Variants in RYR3 observed in about 807,000 individuals in gnomAD.
RYR3 encodes ryanodine receptor 3.
RYR3 carries 207 observed loss-of-function variants against 584.3 expected under a neutral mutation model. That is an observed-to-expected ratio of 0.35 (90% CI 0.32 to 0.40). The LOEUF (loss-of-function observed/expected upper bound fraction) is 0.40. Among genes scored for constraint, RYR3 ranks in the 10% least tolerant of loss-of-function variants. RYR3 has a pLI of 1.00. For synonymous variants in RYR3, 2,416 were observed against 2,248.5 expected (o/e 1.07, Z -2.11); for missense variants, 5,616 against 6,089.2 (o/e 0.92, Z 2.59).
At chr15:33,570,712 C>T (rs1267459422) in intron 12 of RYR3, among the ~76,000 whole-genome samples, 2 of 152,116 alleles carry the variant, frequency 1.3e-5, no homozygotes, top group East Asian at 1.9e-4. Context: ...AATCTTCAAA[C>T]ATAAAATGTC....
chr15:33,544,877 C>T (rs1280432536), intron 8 of RYR3, among the ~76,000 whole-genome samples: 8 of 151,998 alleles, frequency 5.3e-5, no homozygotes, highest in Non-Finnish European at 8.8e-5. Flanking sequence ...ATAGTTATCT[C>T]GATTAGGAAG....
At chr15:33,371,104 G>A (rs117867467) in intron 1 of RYR3, among the ~76,000 whole-genome samples, 37 of 152,278 alleles carry the variant, frequency 2.4e-4, no homozygotes, top group Non-Finnish European at 4.7e-4. Context: ...TAGCAAAAGC[G>A]TTCACACACA....
chr15:33,418,641 G>A (rs988560296), intron 1 of RYR3, among the ~76,000 whole-genome samples: 1 of 152,208 alleles, frequency 6.6e-6, no homozygotes, highest in African/African-American at 2.4e-5. Flanking sequence ...AATAAGCAGT[G>A]ACATCAAATT....
rs766259371 is a variant in RYR3 at position 33,810,694 on chromosome 15, G to A, written c.10197+45G>A. On this transcript the variant is annotated intron_variant, in intron 71 of 103. Coordinates refer to ENST00000634891, the MANE Select transcript of RYR3 (RefSeq NM_001036.6). ...GGGCTGAGTGTGTGATCCACATGGT[G>A]CAGTGATAAGCATTCAGCCCCTGAA... The A allele has an allele frequency of 3.7e-6, 6 of 1,610,084 alleles. No homozygotes were observed. The Admixed American group carries it at 1.0e-4, about 27-fold the overall frequency.
At chr15:33,528,063 G>A (rs1391771998) in intron 3 of RYR3, among the ~76,000 whole-genome samples, 3 of 152,126 alleles carry the variant, frequency 2.0e-5, no homozygotes, top group East Asian at 1.9e-4. Context: ...TCATGGAAAC[G>A]GAATGAGACT....
intron 76 of RYR3, among the ~76,000 whole-genome samples, chr15:33,819,087 C>T (rs2076972525): frequency 6.6e-6 from 1 of 152,148 alleles, no homozygotes; most frequent in Non-Finnish European, 1.5e-5. Flanking sequence ...CACACCACTG[C>T]ACTCCAGCCT....
At chr15:33,847,440 C>T (rs2078800500) in intron 93 of RYR3, 1 of 152,182 alleles carries the variant, frequency 6.6e-6, no homozygotes, top group Non-Finnish European at 1.5e-5. Flanking sequence ...AGATGAGACG[C>T]CCTAGCTCTG....
At chr15:33,723,869 A>C (rs571420836) in intron 44 of RYR3, among the ~76,000 whole-genome samples, 196 bp from the exon 45 acceptor site, 208 of 152,332 alleles carry the variant, frequency 1.4e-3, no homozygotes, top group African/African-American at 4.8e-3. Flanking sequence ...TGTGAATGTC[A>C]TGGACAAAAA....
chr15:33,669,854 G>GTGT (rs765175872), intron 37 of RYR3, among the ~76,000 whole-genome samples: 3 of 35,994 alleles, frequency 8.3e-5, no homozygotes, highest in Non-Finnish European at 1.3e-4. Context: ...GGGGGGGGGG[G>GTGT]GGGGTGTGGG....
chr15:33,628,400 G>T, intron 20 of RYR3, 71 bp from the exon 21 acceptor site: 1 of 1,081,268 alleles, frequency 9.2e-7, no homozygotes, highest in South Asian at 1.4e-5. Flanking sequence ...CAAGTGGGGT[G>T]CCCAGCTCCT....
intron 1 of RYR3, among the ~76,000 whole-genome samples, chr15:33,447,911 C>G (rs2046807147): frequency 6.6e-6 from 1 of 152,110 alleles, no homozygotes; most frequent in Non-Finnish European, 1.5e-5. Context: ...CTTTTTGAGG[C>G]TCAGTGAATT....
In RYR3 at chr15:33,387,632, C is replaced by T. The variant is rs552572302; in HGVS notation, c.51+76536C>T. On this transcript the variant is annotated intron_variant, in intron 1 of 103. Transcript: ENST00000634891. The stretch of plus-strand genomic sequence containing the variant: ...AATCTGAAAAATGAAGAAAAGAACA[C>T]AAGATGAATAGGCAGGAAAAATGAC... Among the ~76,000 whole-genome samples, 4 of 145,000 alleles carry T rather than the reference C, an allele frequency of 2.8e-5. No individual in the cohort carries two copies. In the Admixed American group the frequency reaches 2.8e-4, roughly 10 times the overall value.
At chr15:33,686,404 TA>T (rs2065012554) in intron 38 of RYR3, among the ~76,000 whole-genome samples, 1 of 152,098 alleles carries the variant, frequency 6.6e-6, no homozygotes, top group Non-Finnish European at 1.5e-5. Flanking sequence ...AATAGACCAA[TA>T]ACAGGCTCTG....
chr15:33,537,735 A>G (rs1010686985), intron 5 of RYR3, among the ~76,000 whole-genome samples: 1 of 152,006 alleles, frequency 6.6e-6, no homozygotes, highest in Non-Finnish European at 1.5e-5. Flanking sequence ...CTGACATCTC[A>G]CTGGAATGCA....
chr15:33,635,736 C>A lies in RYR3; in HGVS notation c.3298C>A (p.Arg1100=). 2.5e-6 allele frequency: 4 copies of A among 1,613,866 alleles called. No homozygotes were observed. The highest frequency in any genetic ancestry group is 3.4e-6 in the Non-Finnish European group (4 of 1,179,838). Residue 1100 remains arginine, a synonymous_variant, in exon 26 of 104, where the codon CGA becomes AGA. Transcript: ENST00000634891. ...EFEVVTGGDM[R]VGWARPGCRP... is the part of the protein sequence containing the mutation. ...TGAAGTGGTGACTGGAGGAGACATG[C>A]GAGTCGGCTGGGCGAGGCCAGGCTG...
At chr15:33,456,889 A>C (rs929992726) in intron 1 of RYR3, among the ~76,000 whole-genome samples, 1 of 152,240 alleles carries the variant, frequency 6.6e-6, no homozygotes, top group Non-Finnish European at 1.5e-5. Context: ...ATTGGTGTTT[A>C]ATTCTAAGCT....
chr15:33,615,370 G>A (rs2060397825), intron 19 of RYR3, among the ~76,000 whole-genome samples: 1 of 152,186 alleles, frequency 6.6e-6, no homozygotes, highest in Non-Finnish European at 1.5e-5. Flanking sequence ...GTTTTCCAAA[G>A]TAGGATTTTG....
chr15:33,823,951 T>C (rs1842858921), intron 81 of RYR3, among the ~76,000 whole-genome samples: 1 of 152,196 alleles, frequency 6.6e-6, no homozygotes, highest in African/African-American at 2.4e-5. Context: ...GGGTAAAATA[T>C]CGTACCCTGG....
At chr15:33,410,445 G>A (rs921995227) in intron 1 of RYR3, among the ~76,000 whole-genome samples, 2 of 152,170 alleles carry the variant, frequency 1.3e-5, no homozygotes, top group African/African-American at 4.8e-5. Flanking sequence ...TACAAGTTTA[G>A]ACAAACTTTT....
Sources: allele counts gnomAD v4.1 joint callset (sites outside exome capture counted in the v4.1 genomes callset), GRCh38; gene constraint gnomAD v4.1.1; transcripts MANE v1.5; gene names NCBI Gene and HGNC (gene_info 2026-07-23, HGNC 2026-07-21).